Variants in JPH3 observed in about 807,000 individuals in gnomAD.
JPH3 encodes the protein junctophilin 3, also known as junctophilin-3.
In JPH3, 11 loss-of-function variants were observed where a neutral mutation model predicts 59.6. The ratio of observed to expected loss-of-function variants is 0.18; its 90% CI spans 0.12 to 0.31. JPH3 has a LOEUF of 0.31. JPH3 is among the 10% of genes least tolerant of loss of function. The pLI, the probability that JPH3 is intolerant of heterozygous loss-of-function variation, is 1.00. For missense variants in JPH3, 1,202 were observed against 1,105.7 expected, an observed-to-expected ratio of 1.09 and a Z score of -1.24; for synonymous variants, 673 against 483.6, an observed-to-expected ratio of 1.39 and a Z score of -5.14.
chr16:87,689,087 C>G (rs993988881), intron 3 of JPH3, among the ~76,000 whole-genome samples: 1 of 152,152 alleles, frequency 6.6e-6, no homozygotes, highest in Non-Finnish European at 1.5e-5. Context: ...CGCCCTAGGA[C>G]TTGAAGCCCC....
In JPH3 at chr16:87,643,176, G is replaced by A. The variant is rs181056110; in HGVS notation, c.383-1082G>A. On this transcript the variant is annotated intron_variant, in intron 1 of 4. Transcript: ENST00000284262. ...TTGTGCCCAGCTCAGTTCACTCTGT[G>A]TAATGTCTTCAGCGTTCATCCACAT... is the stretch of plus-strand genomic sequence containing the variant. Among the ~76,000 whole-genome samples the A allele has an allele frequency of 3.9e-5, 6 of 152,298 alleles. No homozygotes were observed. The East Asian group carries it at 9.7e-4, about 25-fold the overall frequency.
chr16:87,643,280 C>G (rs115278565), intron 1 of JPH3, among the ~76,000 whole-genome samples: 2,040 of 152,302 alleles, frequency 0.013, 42 homozygotes, highest in African/African-American at 0.046. Flanking sequence ...TGGCGTCTGT[C>G]CATTTACCAG....
chr16:87,628,955 A>C (rs1440748081), intron 1 of JPH3, among the ~76,000 whole-genome samples: 1 of 152,252 alleles, frequency 6.6e-6, no homozygotes, highest in East Asian at 1.9e-4. Context: ...TGGGTCCACA[A>C]ATCAGCCAGA....
At chr16:87,604,648 C>G in intron 1 of JPH3, 3 of 1,168,148 alleles carry the variant, frequency 2.6e-6, no homozygotes, top group Non-Finnish European at 2.1e-6. Flanking sequence ...TAGTCCTCCC[C>G]GCCCGCTCGC....
chr16:87,673,724 G>C (rs756853987), intron 2 of JPH3, among the ~76,000 whole-genome samples: 1 of 152,042 alleles, frequency 6.6e-6, no homozygotes, highest in Non-Finnish European at 1.5e-5. Context: ...TCAGGAGTTC[G>C]AGACCAGCCT....
chr16:87,604,006 A>G (rs1597229065), intron 1 of JPH3: 1 of 880,278 alleles, frequency 1.1e-6, no homozygotes, highest in Non-Finnish European at 1.4e-6. Context: ...AATCTGCCCA[A>G]GCCGAGAGAA....
intron 2 of JPH3, among the ~76,000 whole-genome samples, chr16:87,668,439 C>G (rs1039061922): frequency 2.0e-5 from 3 of 152,198 alleles, no homozygotes; most frequent in Admixed American, 6.5e-5. Context: ...TTGGGTGAGT[C>G]AGTTCCCTTC....
chr16:87,663,493 A>T (rs1597274000), intron 2 of JPH3, among the ~76,000 whole-genome samples: 1 of 152,206 alleles, frequency 6.6e-6, no homozygotes, highest in East Asian at 1.9e-4. Context: ...CATGATTGAT[A>T]TATCAGGGAA....
At chr16:87,632,085 A>G (rs1456493153) in intron 1 of JPH3, among the ~76,000 whole-genome samples, 1 of 152,156 alleles carries the variant, frequency 6.6e-6, no homozygotes, top group African/African-American at 2.4e-5. Context: ...AAAGTGAGGT[A>G]CGAAAAAGCT....
intron 2 of JPH3, among the ~76,000 whole-genome samples, chr16:87,677,019 C>T (rs1339831097): frequency 4.0e-5 from 6 of 151,372 alleles, no homozygotes; most frequent in African/African-American, 7.3e-5. Flanking sequence ...ATTAGCCGGG[C>T]GTGGTGGCGG....
chr16:87,607,998 C>G (rs2030588682), intron 1 of JPH3, among the ~76,000 whole-genome samples: 1 of 152,256 alleles, frequency 6.6e-6, no homozygotes, highest in Non-Finnish European at 1.5e-5. Context: ...ACAAATGTGG[C>G]TGAAGGGCAC....
At chr16:87,670,723 T>C (rs952818138) in intron 2 of JPH3, among the ~76,000 whole-genome samples, 1 of 152,166 alleles carries the variant, frequency 6.6e-6, no homozygotes, top group Non-Finnish European at 1.5e-5. Context: ...GGAAGTACAT[T>C]GATGTGTCAC....
chr16:87,610,230 C>A (rs1392917625), intron 1 of JPH3, among the ~76,000 whole-genome samples: 1 of 152,314 alleles, frequency 6.6e-6, no homozygotes, highest in Middle Eastern at 3.4e-3. Context: ...TACTCACTCG[C>A]CACTCACCTC....
intron 2 of JPH3, among the ~76,000 whole-genome samples, chr16:87,650,099 AT>A (rs2032283669): frequency 6.6e-6 from 1 of 152,206 alleles, no homozygotes; most frequent in African/African-American, 2.4e-5. Flanking sequence ...GTTTTTACAC[AT>A]TGGAGGTTTG....
intron 1 of JPH3, among the ~76,000 whole-genome samples, chr16:87,615,921 G>C (rs547015595): frequency 4.6e-5 from 7 of 152,298 alleles, no homozygotes; most frequent in African/African-American, 1.7e-4. Context: ...TCAATGAGTG[G>C]TCAATCAGGC....
chr16:87,604,117 A>G, intron 1 of JPH3: 1 of 1,333,118 alleles, frequency 7.5e-7, no homozygotes, highest in Non-Finnish European at 9.7e-7. Context: ...GCGCTGTCGA[A>G]GCAGGCTGCT....
chr16:87,686,591 G>C (rs1260144371), intron 3 of JPH3, among the ~76,000 whole-genome samples: 2 of 149,120 alleles, frequency 1.3e-5, no homozygotes, highest in Non-Finnish European at 3.0e-5. Context: ...GATGCTTCCT[G>C]GAGGGCTCAG....
rs1157113531 is a variant in JPH3 at position 87,694,512 on chromosome 16, G to C, written c.2167-2068G>C. The C allele has an allele frequency of 1.3e-5, 2 of 152,228 alleles. 1 individual carries two copies. Among genetic ancestry groups the C allele is most frequent in the East Asian group, 3.9e-4 (2 of 5,190 alleles). 9.4% of individuals were successfully genotyped at this position (152,228 alleles called of 1,614,324 possible). A position where few individuals can be genotyped will look rare whatever the true frequency, so the allele number is the denominator to read the frequency against. ...TGCCATCCCCAGAGGGAGTTCTCCG[G>C]GCAAGGCCGTGACCCCACTGGGGCT... On this transcript the variant is annotated intron_variant, in intron 4 of 4. Coordinates refer to ENST00000284262, the MANE Select transcript of JPH3 (RefSeq NM_020655.4).
chr16:87,680,564 G>A (rs1048525095), intron 2 of JPH3, among the ~76,000 whole-genome samples: 4 of 152,238 alleles, frequency 2.6e-5, no homozygotes, highest in African/African-American at 7.2e-5. Flanking sequence ...GATCTGTAAC[G>A]TGACTAGGTG....
Sources: gnomAD v4.1 joint callset for allele counts (sites outside exome capture counted in the v4.1 genomes callset) on GRCh38, gnomAD v4.1.1 for gene constraint, MANE v1.5 for transcripts, NCBI Gene and HGNC (gene_info 2026-07-23, HGNC 2026-07-21) for gene names.